Variants in KDM4C observed in about 807,000 individuals in gnomAD.
KDM4C encodes lysine-specific demethylase 4C.
A neutral mutation model predicts 129.3 loss-of-function variants in KDM4C; 81 were observed. That is an observed-to-expected ratio of 0.63 (90% CI 0.52 to 0.75). KDM4C has a LOEUF of 0.75. KDM4C is among the 30% of genes least tolerant of loss of function. KDM4C has a pLI of 0.00. For missense variants in KDM4C, 1,457 were observed against 1,304.0 expected, an observed-to-expected ratio of 1.12 and a Z score of -1.81; for synonymous variants, 573 against 456.1, an observed-to-expected ratio of 1.26 and a Z score of -3.26.
intron 2 of KDM4C, among the ~76,000 whole-genome samples, chr9:6,802,954 A>G (rs1317459549): frequency 6.6e-6 from 1 of 152,250 alleles, no homozygotes; most frequent in East Asian, 1.9e-4. Flanking sequence ...AGTATAAAAG[A>G]TAAACCTCAA....
chr9:6,912,778 G>A (rs1438633774), intron 8 of KDM4C, among the ~76,000 whole-genome samples: 4 of 152,094 alleles, frequency 2.6e-5, no homozygotes, highest in Admixed American at 1.3e-4. Flanking sequence ...CTGAACTGAT[G>A]GTTGCTCCCG....
At chr9:7,106,644 T>C (rs1210539678) in intron 18 of KDM4C, among the ~76,000 whole-genome samples, 1 of 152,162 alleles carries the variant, frequency 6.6e-6, no homozygotes, top group Non-Finnish European at 1.5e-5. Flanking sequence ...ATTCCATTAG[T>C]GTCATAAATT....
At chr9:6,893,502 C>T in intron 8 of KDM4C, 1 of 236,462 alleles carries the variant, frequency 4.2e-6, no homozygotes, top group Non-Finnish European at 8.2e-6. Flanking sequence ...TATCTTGAGG[C>T]CTCCAGTTGG....
At chr9:6,828,512 A>G (rs1184693136) in intron 4 of KDM4C, among the ~76,000 whole-genome samples, 2 of 152,112 alleles carry the variant, frequency 1.3e-5, no homozygotes, top group Non-Finnish European at 2.9e-5. Context: ...ACTTGAGGTA[A>G]GGAAATACTG....
intron 19 of KDM4C, among the ~76,000 whole-genome samples, chr9:7,142,046 T>A (rs1841797566): frequency 6.6e-6 from 1 of 152,244 alleles, no homozygotes; most frequent in Non-Finnish European, 1.5e-5. Flanking sequence ...GGCTTCCATC[T>A]TGACACACGA....
chr9:6,732,542 C>G (rs1161256449), intron 1 of KDM4C, among the ~76,000 whole-genome samples: 1 of 151,418 alleles, frequency 6.6e-6, no homozygotes, highest in Admixed American at 6.6e-5. Context: ...GCCACCGCAC[C>G]CAGCCAGAAA....
intron 1 of KDM4C, among the ~76,000 whole-genome samples, chr9:6,789,570 T>G (rs748279496): frequency 1.2e-4 from 19 of 152,128 alleles, no homozygotes; most frequent in Non-Finnish European, 2.4e-4. Context: ...TTCGCCATGT[T>G]GCCCAGGCTG....
At chr9:6,938,138 C>A (rs1170919510) in intron 8 of KDM4C, among the ~76,000 whole-genome samples, 1 of 152,140 alleles carries the variant, frequency 6.6e-6, no homozygotes, top group Admixed American at 6.5e-5. Flanking sequence ...TGCTCCAGAT[C>A]ACCTGCACTG....
intron 1 of KDM4C, among the ~76,000 whole-genome samples, chr9:6,748,493 G>C (rs1216777444): frequency 1.4e-5 from 2 of 147,568 alleles, no homozygotes; most frequent in Non-Finnish European, 3.0e-5. Flanking sequence ...GGCAACAAGA[G>C]TGAAACTCCG....
intron 19 of KDM4C, among the ~76,000 whole-genome samples, chr9:7,156,908 A>C (rs1843235970): frequency 6.6e-6 from 1 of 152,214 alleles, no homozygotes; most frequent in African/African-American, 2.4e-5. Flanking sequence ...TGGTAGCTTG[A>C]TGGGGATGGC....
chr9:6,957,354 A>G (rs999030819), intron 8 of KDM4C, among the ~76,000 whole-genome samples: 2 of 152,186 alleles, frequency 1.3e-5, no homozygotes, highest in African/African-American at 4.8e-5. Flanking sequence ...GACTAGTTGC[A>G]AGAAGGAAAG....
chr9:6,914,796 A>G (rs948427707), intron 8 of KDM4C, among the ~76,000 whole-genome samples: 19 of 152,354 alleles, frequency 1.2e-4, no homozygotes, highest in Admixed American at 1.0e-3. Context: ...GAAACAAGGC[A>G]CCATCTTTGA....
chr9:6,951,145 C>T (rs899927242), intron 8 of KDM4C, among the ~76,000 whole-genome samples: 1 of 152,042 alleles, frequency 6.6e-6, no homozygotes, highest in Non-Finnish European at 1.5e-5. Context: ...ACATACCCAT[C>T]ATCTCAAACA....
chr9:6,950,215 G>T (rs1388126760), intron 8 of KDM4C, among the ~76,000 whole-genome samples: 1 of 151,966 alleles, frequency 6.6e-6, no homozygotes, highest in African/African-American at 2.4e-5. Context: ...AGGTTGTCTT[G>T]AACCTTAAAT....
At chr9:6,825,254 G>C (rs1431595361) in intron 4 of KDM4C, among the ~76,000 whole-genome samples, 2 of 151,808 alleles carry the variant, frequency 1.3e-5, no homozygotes, top group Non-Finnish European at 2.9e-5. Flanking sequence ...CTATACTCAT[G>C]AGAGTGAAAA....
intron 8 of KDM4C, among the ~76,000 whole-genome samples, chr9:6,962,377 C>G (rs949360143): frequency 2.6e-5 from 4 of 152,110 alleles, no homozygotes; most frequent in African/African-American, 9.7e-5. Context: ...GCAAACTGAC[C>G]TTTGGACAGT....
intron 5 of KDM4C, among the ~76,000 whole-genome samples, chr9:6,864,796 T>A (rs969279744): frequency 2.6e-5 from 4 of 151,206 alleles, no homozygotes; most frequent in African/African-American, 9.7e-5. Context: ...ATTTTCTATA[T>A]CTTGTTGGCA....
At chr9:6,781,852 C>A (rs1824413269) in intron 1 of KDM4C, among the ~76,000 whole-genome samples, 1 of 150,318 alleles carries the variant, frequency 6.7e-6, no homozygotes, top group South Asian at 2.1e-4. Context: ...CAGAACCTCA[C>A]TCTTGTGCCC....
At chr9:7,057,830 G>A (rs1831073245) in intron 17 of KDM4C, among the ~76,000 whole-genome samples, 1 of 152,182 alleles carries the variant, frequency 6.6e-6, no homozygotes, top group Non-Finnish European at 1.5e-5. Flanking sequence ...AGTTATTGCT[G>A]AAAACCGTAA....
Sources: allele counts gnomAD v4.1 joint callset (sites outside exome capture counted in the v4.1 genomes callset), GRCh38; gene constraint gnomAD v4.1.1; transcripts MANE v1.5; gene names NCBI Gene and HGNC (gene_info 2026-07-23, HGNC 2026-07-21).